Variants in CSMD1 observed in about 807,000 individuals in gnomAD.
CSMD1 encodes CUB and Sushi multiple domains 1.
CSMD1 carries 213 observed loss-of-function variants against 417.5 expected under a neutral mutation model. That is an observed-to-expected ratio of 0.51 (90% CI 0.46 to 0.57). The LOEUF is 0.57. Ranked by LOEUF, CSMD1 falls within the 20% of genes least tolerant of loss-of-function variation. The pLI is 0.00. For missense variants in CSMD1, 6,923 were observed against 4,529.7 expected (o/e 1.53, Z -15.17); for synonymous variants, 2,862 against 1,736.8 (o/e 1.65, Z -16.11).
intron 5 of CSMD1, among the ~76,000 whole-genome samples, chr8:3,883,526 C>T (rs1480175487): frequency 3.9e-5 from 6 of 152,074 alleles, no homozygotes; most frequent in Non-Finnish European, 8.8e-5. Context: ...AATCATGCGG[C>T]TTTATGTACT....
chr8:3,400,336 A>T (rs1811961777), intron 15 of CSMD1, among the ~76,000 whole-genome samples: 1 of 152,198 alleles, frequency 6.6e-6, no homozygotes, highest in Non-Finnish European at 1.5e-5. Flanking sequence ...TATAGATATC[A>T]AATAAAGTAC....
At chr8:4,551,236 G>C (rs556124190) in intron 2 of CSMD1, among the ~76,000 whole-genome samples, 1 of 150,822 alleles carries the variant, frequency 6.6e-6, no homozygotes, top group Admixed American at 6.6e-5. Flanking sequence ...GAAAATCCTC[G>C]AATGCAGAGG....
At chr8:4,661,406 G>C (rs930428105) in intron 1 of CSMD1, among the ~76,000 whole-genome samples, 1 of 152,174 alleles carries the variant, frequency 6.6e-6, no homozygotes, top group Non-Finnish European at 1.5e-5. Flanking sequence ...GTATGCTATA[G>C]GATTCGATTT....
At chr8:3,750,685 G>C (rs991898425) in intron 6 of CSMD1, among the ~76,000 whole-genome samples, 42 of 152,046 alleles carry the variant, frequency 2.8e-4, no homozygotes, top group African/African-American at 1.0e-3. Context: ...TTTCACATTT[G>C]CCCTCTGAAG....
chr8:3,363,061 C>T (rs917145483), intron 20 of CSMD1, among the ~76,000 whole-genome samples: 13 of 152,202 alleles, frequency 8.5e-5, no homozygotes, highest in South Asian at 2.1e-4. Flanking sequence ...ACTTTCCCCT[C>T]GGTTTCAGGG....
intron 5 of CSMD1, among the ~76,000 whole-genome samples, chr8:3,927,321 A>G (rs549870033): frequency 6.6e-6 from 1 of 151,974 alleles, no homozygotes. Flanking sequence ...TTCTGACTTT[A>G]TAAGAACTTT....
intron 20 of CSMD1, among the ~76,000 whole-genome samples, chr8:3,364,018 G>C (rs527532379): frequency 2.0e-5 from 3 of 152,266 alleles, no homozygotes; most frequent in South Asian, 4.1e-4. Flanking sequence ...AAGGCCTTCT[G>C]AGAAAGGCAG....
chr8:4,076,446 A>C (rs1316103132), intron 3 of CSMD1, among the ~76,000 whole-genome samples: 1 of 152,210 alleles, frequency 6.6e-6, no homozygotes, highest in Non-Finnish European at 1.5e-5. Flanking sequence ...GGTTTATGGA[A>C]TATTTTAACT....
chr8:4,139,575 C>T (rs770278786), intron 3 of CSMD1, among the ~76,000 whole-genome samples: 6 of 151,080 alleles, frequency 4.0e-5, no homozygotes, highest in Non-Finnish European at 7.4e-5. Context: ...CCCTGAGCTG[C>T]CTATGGAACT....
Position 3,173,407 on chromosome 8 carries a change from G to A in CSMD1, c.5725+7703C>T, listed in dbSNP as rs919960249. On this transcript the variant is annotated intron_variant, in intron 37 of 69. Transcript: ENST00000635120. ...CACTTAGAACAGTAGGGATGAGAGAGACATGAATAATCTTTGATTGATATT... is the reference window on the plus strand; with the variant it reads ...CACTTAGAACAGTAGGGATGAGAGAAACATGAATAATCTTTGATTGATATT... Among the ~76,000 whole-genome samples the A allele has an allele frequency of 3.3e-5, 5 of 152,176 alleles. No homozygotes were observed. In the East Asian group the frequency reaches 5.8e-4, roughly 18 times the overall value.
intron 2 of CSMD1, among the ~76,000 whole-genome samples, chr8:4,513,381 G>C (rs373425588): frequency 2.0e-4 from 31 of 152,238 alleles, no homozygotes; most frequent in African/African-American, 7.0e-4. Flanking sequence ...CTAATTTAAA[G>C]AGAAATCCTC....
intron 3 of CSMD1, among the ~76,000 whole-genome samples, chr8:4,144,367 G>C (rs974887492): frequency 1.9e-4 from 29 of 151,114 alleles, no homozygotes; most frequent in African/African-American, 5.2e-4. Context: ...TTTCTGATAA[G>C]GGTGTGTTTT....
intron 2 of CSMD1, among the ~76,000 whole-genome samples, chr8:4,494,741 T>G (rs1801893579): frequency 6.6e-6 from 1 of 152,154 alleles, no homozygotes; most frequent in Non-Finnish European, 1.5e-5. Context: ...AATGGCTGCA[T>G]AGATTGTCTT....
At chr8:3,177,343 G>T (rs55741109) in intron 37 of CSMD1, among the ~76,000 whole-genome samples, 21,016 of 152,124 alleles carry the variant, frequency 0.14, 1,498 homozygotes, top group Non-Finnish European at 0.15. Flanking sequence ...CCAGCCCCCA[G>T]TGCAGAGGCT....
At chr8:3,584,827 C>A (rs574568033) in intron 9 of CSMD1, among the ~76,000 whole-genome samples, 1 of 152,098 alleles carries the variant, frequency 6.6e-6, no homozygotes, top group East Asian at 1.9e-4. Context: ...CCATGTGACT[C>A]GTTCCTCCTG....
At chr8:4,838,121 AC>A (rs1023053916) in intron 1 of CSMD1, among the ~76,000 whole-genome samples, 1 of 151,998 alleles carries the variant, frequency 6.6e-6, no homozygotes, top group Non-Finnish European at 1.5e-5. Context: ...AAACAGTAAA[AC>A]TTTTTTTTAA....
Position 3,735,103 on chromosome 8 carries a change from A to C in CSMD1, c.931+18827T>G, listed in dbSNP as rs569900247. 5.1e-4 allele frequency among the ~76,000 whole-genome samples: 77 copies of C among 152,344 alleles called. 1 individual carries two copies. In the South Asian group the frequency reaches 0.015, roughly 30 times the overall value. On this transcript the variant is annotated intron_variant, in intron 6 of 69. Transcript: ENST00000635120. ...GCCACCACAACGATGTGAAACAGGT[A>C]CATTTGCAAAATAACTCTTTTCAAT...
chr8:3,221,893 C>T (rs1798238080), intron 28 of CSMD1, among the ~76,000 whole-genome samples: 2 of 151,956 alleles, frequency 1.3e-5, no homozygotes, highest in South Asian at 4.2e-4. Flanking sequence ...ATGCCAGACT[C>T]CCACCCTCCC....
chr8:4,707,100 T>TGA (rs1347597864), intron 1 of CSMD1, among the ~76,000 whole-genome samples: 3 of 152,156 alleles, frequency 2.0e-5, no homozygotes, highest in Non-Finnish European at 4.4e-5. Flanking sequence ...GTGTGGAAAA[T>TGA]GAAGCAGATA....
Sources: gnomAD v4.1 joint callset for allele counts (sites outside exome capture counted in the v4.1 genomes callset) on GRCh38, gnomAD v4.1.1 for gene constraint, MANE v1.5 for transcripts, NCBI Gene and HGNC (gene_info 2026-07-23, HGNC 2026-07-21) for gene names.